Variants in NUP210 observed in about 807,000 individuals in gnomAD.
The protein encoded by NUP210 is nuclear pore membrane glycoprotein 210.
NUP210 carries 151 observed loss-of-function variants against 196.0 expected under a neutral mutation model. That is an observed-to-expected ratio of 0.77 (90% CI 0.67 to 0.88). NUP210 has a LOEUF of 0.88. Ranked by LOEUF, NUP210 falls within the 40% of genes least tolerant of loss-of-function variation. The pLI, the probability that NUP210 is intolerant of heterozygous loss-of-function variation, is 0.00. For synonymous variants in NUP210, 1,070 were observed against 1,052.7 expected (o/e 1.02, Z -0.32); for missense variants, 2,314 against 2,493.7 (o/e 0.93, Z 1.53).
intron 32 of NUP210, among the ~76,000 whole-genome samples, 155 bp from the exon 33 acceptor site, chr3:13,326,086 C>A (rs1313503462): frequency 6.6e-6 from 1 of 152,266 alleles, no homozygotes; most frequent in Admixed American, 6.5e-5. Flanking sequence ...CGCTGCCTGC[C>A]CCAGTGCCGG....
rs759773494 is a variant in NUP210, at chr3:13,319,059, G to T, written c.5563+13C>A. The T allele has an allele frequency of 5.6e-6, 9 of 1,593,632 alleles. No homozygotes were observed. The East Asian group carries it at 6.8e-5, about 12-fold the overall frequency. ...CAGCTCTGCCTGGTTGTGCCTGCAG[G>T]GGGGCTACTCACAGTGGGGGCTGTG... On this transcript the variant is annotated intron_variant, in intron 39 of 39. Coordinates refer to ENST00000254508, the MANE Select transcript of NUP210 (RefSeq NM_024923.4).
In NUP210 at chr3:13,420,105, G is replaced by A. The variant is rs1434852451; in HGVS notation, c.122C>T (p.Thr41Met). The A allele has an allele frequency of 5.1e-6, 7 of 1,381,048 alleles. No individual in the cohort carries two copies. The highest frequency in any genetic ancestry group is 6.7e-6 in the Non-Finnish European group (7 of 1,046,480). 85.5% of individuals were successfully genotyped at this position (1,381,048 alleles called of 1,614,324 possible). Residue 41 changes from threonine (T) to methionine (M), a missense_variant, in exon 1 of 40, where the codon ACG becomes ATG. Thr to Met is a moderately conservative substitution (Grantham distance 81, BLOSUM62 -1). Coordinates refer to ENST00000254508, the MANE Select transcript of NUP210 (RefSeq NM_024923.4). This position sits in a 1 kb window ranked among gnomAD's most constrained non-coding sequence, Gnocchi z 4.8. Reference protein sequence around the residue: ...PKVLLPFTRATRVNFTLEASE... With the variant: ...PKVLLPFTRAMRVNFTLEASE... ...GGCCTCCAGCGTGAAGTTAACGCGC[G>A]TGGCCCGCGTGAAGGGCAGCAGCAC...
intron 1 of NUP210, among the ~76,000 whole-genome samples, chr3:13,405,612 C>T (rs1699981326): frequency 6.6e-6 from 1 of 151,614 alleles, no homozygotes; most frequent in East Asian, 1.9e-4. Flanking sequence ...TTCAGAAAAC[C>T]CTGACTAATC....
rs937341129 is a variant in NUP210 at position 13,379,448 on chromosome 3, C to G, written c.976+115G>C. On this transcript the variant is annotated intron_variant, in intron 7 of 39. Transcript: ENST00000254508. This position sits in a 1 kb window ranked among gnomAD's most constrained non-coding sequence, Gnocchi z 4.2. ...TTTCAGTTCTTTCTGATTTTCAGAC[C>G]GTTGAGGGGAAACGGCTATTTTTAG... The G allele has an allele frequency of 1.5e-6, 2 of 1,319,628 alleles. No homozygotes were observed. The highest frequency in any genetic ancestry group is 1.8e-5 in the Admixed American group (1 of 54,616). 81.7% of individuals were successfully genotyped at this position (1,319,628 alleles called of 1,614,324 possible). A position where few individuals can be genotyped will look rare whatever the true frequency, so the allele number is the denominator to read the frequency against.
Position 13,327,322 on chromosome 3 carries a change from C to T in NUP210, c.4402G>A (p.Asp1468Asn), listed in dbSNP as rs1465414004. 2.1e-5 allele frequency: 34 copies of T among 1,613,322 alleles called. No homozygotes were observed. The highest frequency in any genetic ancestry group is 2.8e-5 in the Non-Finnish European group (33 of 1,180,036). ...VWDAEHPGLS[D>N]FMPLPVLQAI... ...TGTAGGACAGGCAGGGGCATGAAGTCCGAGAGGCCCGGGTGCTCTGCGTCC... is the reference window on the plus strand; with the variant it reads ...TGTAGGACAGGCAGGGGCATGAAGTTCGAGAGGCCCGGGTGCTCTGCGTCC... The change falls in exon 32 of 40, where the codon GAC (aspartate) becomes AAC (asparagine). Residue 1468 changes from aspartate to asparagine, a missense_variant. Transcript: ENST00000254508.
Position 13,338,334 on chromosome 3 carries a change from C to T in NUP210, c.3472-417G>A, listed in dbSNP as rs143567757. Among the ~76,000 whole-genome samples the T allele has an allele frequency of 1.7e-4, 26 of 152,298 alleles. 1 individual carries two copies. In the East Asian group the frequency reaches 4.2e-3, roughly 25 times the overall value. On this transcript the variant is annotated intron_variant, in intron 25 of 39. Coordinates refer to ENST00000254508, the MANE Select transcript of NUP210 (RefSeq NM_024923.4). ...AGGGTACAGGGACGAATGCAGGAGC[C>T]CTGTAGAGTCTGATCAGAACTTATA...
chr3:13,387,413 C>T (rs570666906), intron 5 of NUP210, among the ~76,000 whole-genome samples: 1 of 152,322 alleles, frequency 6.6e-6, no homozygotes, highest in African/African-American at 2.4e-5. Context: ...TGTACCCCAT[C>T]CCAGCCTGGG....
chr3:13,406,546 C>CATAG (rs1429350556), intron 1 of NUP210, among the ~76,000 whole-genome samples: 1 of 152,208 alleles, frequency 6.6e-6, no homozygotes. Flanking sequence ...AGGGTCTGCA[C>CATAG]ATAGGGCTCA....
chr3:13,405,202 AC>A lies in NUP210; in HGVS notation c.168-5342del, dbSNP rs1699966674. Among the ~76,000 whole-genome samples, 3 of 152,180 alleles carry A rather than the reference AC, an allele frequency of 2.0e-5. No individual in the cohort carries two copies. The South Asian group carries it at 6.2e-4, about 32-fold the overall frequency. On this transcript the variant is annotated intron_variant, in intron 1 of 39. Coordinates refer to ENST00000254508, the MANE Select transcript of NUP210 (RefSeq NM_024923.4). ...CTGTGGCCTGGGTAAAGTAGATGCCACCTAATGTGGGTGGGCCTCATCCAAT... is the reference window on the plus strand; with the variant it reads ...CTGTGGCCTGGGTAAAGTAGATGCCACTAATGTGGGTGGGCCTCATCCAAT...
chr3:13,389,876 G>A (rs924754519), intron 4 of NUP210, among the ~76,000 whole-genome samples: 3 of 152,116 alleles, frequency 2.0e-5, no homozygotes, highest in African/African-American at 4.8e-5. Flanking sequence ...AAGACACAAC[G>A]TTCGGACCCT....
At chr3:13,336,639 T>C in intron 27 of NUP210, 148 bp downstream of exon 27, 1 of 813,896 alleles carries the variant, frequency 1.2e-6, no homozygotes, top group East Asian at 2.9e-5. Flanking sequence ...CCGATGAGCC[T>C]CGGGAGAGGG....
At position 13,336,798 on chromosome 3, in the gene NUP210, G is replaced by A. The variant is rs561241593; in HGVS notation, c.3673C>T (p.Arg1225Trp). The A allele has an allele frequency of 2.5e-5, 41 of 1,613,088 alleles. No homozygotes were observed. Among genetic ancestry groups the A allele is most frequent in the Non-Finnish European group, 3.1e-5 (36 of 1,179,524 alleles). ...TKRDVLDLRG[R>W]HHEASIRLPS... is the part of the protein sequence containing the mutation. ...GGGTGGTTACCTACCTCGTGGTGCC[G>A]CCCTCGGAGGTCCAGGACGTCCCGC... is the stretch of plus-strand genomic sequence containing the variant. Residue 1225 changes from arginine (R) to tryptophan (W), a missense_variant, in exon 27 of 40, where the codon CGG becomes TGG. By Grantham distance (101) the Arg-to-Trp change is moderately radical. Coordinates refer to ENST00000254508, the MANE Select transcript of NUP210 (RefSeq NM_024923.4).
intron 1 of NUP210, among the ~76,000 whole-genome samples, chr3:13,408,492 T>C (rs1007455051): frequency 1.3e-5 from 2 of 152,192 alleles, no homozygotes; most frequent in Admixed American, 6.5e-5. Flanking sequence ...CAGTTTTCTT[T>C]ATGAAAAGGT....
chr3:13,321,730 C>G lies in NUP210; in HGVS notation c.5021G>C (p.Ser1674Thr). 1 of 1,614,060 alleles carries G rather than the reference C, an allele frequency of 6.2e-7. No homozygotes were observed. The highest frequency in any genetic ancestry group is 2.2e-5 in the East Asian group (1 of 44,878). Residue 1674 changes from serine to threonine, a missense_variant, in exon 36 of 40, where the codon AGC becomes ACC. Physicochemically the swap from Ser to Thr is moderately conservative, Grantham distance 58 (BLOSUM62 1). Coordinates refer to ENST00000254508, the MANE Select transcript of NUP210 (RefSeq NM_024923.4). ...CCCCACCTGCTCTGTGGAGAAGTGG[C>G]TGCTGGAGAGGGAGGCACTGACCAC... ...ALVVSASLSS[S>T]HFSTEQVGAE... is the part of the protein sequence containing the mutation.
In NUP210 at chr3:13,365,682, G is replaced by C. The variant is rs374084767; in HGVS notation, c.1932+264C>G. Among the ~76,000 whole-genome samples the C allele has an allele frequency of 2.8e-4, 43 of 152,316 alleles. 4 individuals carry two copies. The highest frequency in any genetic ancestry group is 2.5e-3 in the South Asian group (12 of 4,824). The stretch of plus-strand genomic sequence containing the variant: ...CCACACTCCTACCTTCGTTGGGAGA[G>C]GCTGGCAGGTCGGTGTCCTGCCAAG... On this transcript the variant is annotated intron_variant, in intron 14 of 39. Coordinates refer to ENST00000254508, the MANE Select transcript of NUP210 (RefSeq NM_024923.4).
At chr3:13,411,660 G>A (rs915247957) in intron 1 of NUP210, among the ~76,000 whole-genome samples, 17 of 152,260 alleles carry the variant, frequency 1.1e-4, no homozygotes, top group Admixed American at 4.6e-4. Context: ...CCTGCCGACG[G>A]CCCCTCCCCA....
chr3:13,340,537 C>T lies in NUP210; in HGVS notation c.3229-239G>A, dbSNP rs1283396892. ...TCTGTTTGTGACTGTGTTTCACTTT[C>T]CCTAGATGTTAAAACCCAAAAGCTG... On this transcript the variant is annotated intron_variant, in intron 23 of 39. Coordinates refer to ENST00000254508, the MANE Select transcript of NUP210 (RefSeq NM_024923.4). The surrounding 1 kb of genome is among the most constrained non-coding windows in gnomAD (Gnocchi z 4.0). Among the ~76,000 whole-genome samples, 4 of 152,284 alleles carry T rather than the reference C, an allele frequency of 2.6e-5. No individual in the cohort carries two copies. Among genetic ancestry groups the T allele is most frequent in the East Asian group, 3.9e-4 (2 of 5,174 alleles).
At chr3:13,409,811 C>T (rs1700107282) in intron 1 of NUP210, among the ~76,000 whole-genome samples, 1 of 150,424 alleles carries the variant, frequency 6.6e-6, no homozygotes, top group Non-Finnish European at 1.5e-5. Context: ...CTGAATCAGC[C>T]CCCACCTCCA....
intron 14 of NUP210, among the ~76,000 whole-genome samples, chr3:13,364,809 C>G (rs1057016508): frequency 6.6e-6 from 1 of 151,980 alleles, no homozygotes; most frequent in Non-Finnish European, 1.5e-5. Flanking sequence ...GCCTGGGCAA[C>G]AAGAGTGAAA....
Sources: allele counts gnomAD v4.1 joint callset (sites outside exome capture counted in the v4.1 genomes callset), GRCh38; gene constraint gnomAD v4.1.1; non-coding constraint Gnocchi (gnomAD v3.1); transcripts MANE v1.5; gene names NCBI Gene and HGNC (gene_info 2026-07-23, HGNC 2026-07-21).